CEP128: variants seen among roughly 807,000 people sequenced by gnomAD.
The protein encoded by CEP128 is centrosomal protein 128.
CEP128 carries 132 observed loss-of-function variants against 156.7 expected under a neutral mutation model. The ratio of observed to expected loss-of-function variants is 0.84; its 90% CI spans 0.73 to 0.97. CEP128 has a LOEUF of 0.97. Among genes scored for constraint, CEP128 ranks in the 50% least tolerant of loss-of-function variants. The pLI is 0.00. For synonymous variants in CEP128, 469 were observed against 448.9 expected (o/e 1.04, Z -0.57); for missense variants, 1,252 against 1,281.9 (o/e 0.98, Z 0.36).
At chr14:80,549,730 G>A (rs1890134359) in intron 21 of CEP128, among the ~76,000 whole-genome samples, 1 of 152,176 alleles carries the variant, frequency 6.6e-6, no homozygotes, top group African/African-American at 2.4e-5. Flanking sequence ...ATATTCTTAA[G>A]TGCCCTAGAG....
At chr14:80,825,750 T>G (rs950577647) in intron 13 of CEP128, among the ~76,000 whole-genome samples, 2 of 152,156 alleles carry the variant, frequency 1.3e-5, no homozygotes, top group African/African-American at 4.8e-5. Flanking sequence ...AGATGAAAGA[T>G]CTGAGAATTA....
chr14:80,680,698 T>G (rs913509583), intron 19 of CEP128, among the ~76,000 whole-genome samples: 1 of 152,118 alleles, frequency 6.6e-6, no homozygotes, highest in African/African-American at 2.4e-5. Context: ...AGATTAGAAG[T>G]GTAGGCCACC....
chr14:80,594,417 G>A (rs1892224618), intron 19 of CEP128, among the ~76,000 whole-genome samples: 1 of 152,276 alleles, frequency 6.6e-6, no homozygotes, highest in East Asian at 1.9e-4. Flanking sequence ...CATGGGCAAA[G>A]ACTTCATGAC....
intron 14 of CEP128, among the ~76,000 whole-genome samples, chr14:80,789,406 C>T (rs1464660836): frequency 1.3e-5 from 2 of 152,084 alleles, no homozygotes; most frequent in South Asian, 2.1e-4. Flanking sequence ...AGAAATTAGA[C>T]GCTGAAGTAG....
chr14:80,880,905 A>T lies in CEP128; in HGVS notation c.645+14813T>A, dbSNP rs185307235. 9.3e-3 allele frequency among the ~76,000 whole-genome samples: 942 copies of T among 101,680 alleles called. 8 individuals are homozygous for T. Among genetic ancestry groups the T allele is most frequent in the East Asian group, 0.014 (57 of 4,216 alleles). 66.7% of individuals were successfully genotyped at this position (101,680 alleles called of 152,430 possible). ...TAATAATAATAATAATAATAATAAT[A>T]ATAATTTCAGTAAAGGATACAAAAT... On this transcript the variant is annotated intron_variant, in intron 8 of 24. Coordinates refer to ENST00000555265, the MANE Select transcript of CEP128 (RefSeq NM_152446.5).
chr14:80,588,968 T>C (rs891083067), intron 19 of CEP128, among the ~76,000 whole-genome samples: 4 of 151,950 alleles, frequency 2.6e-5, no homozygotes, highest in Non-Finnish European at 4.4e-5. Context: ...AGGAAGAAAA[T>C]GGGATAAGAA....
chr14:80,947,634 T>C (rs970319889), intron 2 of CEP128, among the ~76,000 whole-genome samples: 1 of 152,044 alleles, frequency 6.6e-6, no homozygotes, highest in South Asian at 2.1e-4. Context: ...AGAGGAGTCA[T>C]GCTATAAACA....
chr14:80,509,192 T>C (rs954886289), intron 23 of CEP128, among the ~76,000 whole-genome samples: 1 of 152,156 alleles, frequency 6.6e-6, no homozygotes, highest in Non-Finnish European at 1.5e-5. Flanking sequence ...CATATGGTAG[T>C]TCTATTTTTA....
chr14:80,585,300 G>A (rs1891774104), intron 19 of CEP128, among the ~76,000 whole-genome samples: 1 of 152,208 alleles, frequency 6.6e-6, no homozygotes, highest in Non-Finnish European at 1.5e-5. Flanking sequence ...CTCTTCCTCT[G>A]CAGTCTTTGC....
intron 19 of CEP128, among the ~76,000 whole-genome samples, chr14:80,717,983 T>G (rs1215404640): frequency 1.3e-5 from 2 of 151,060 alleles, no homozygotes; most frequent in Non-Finnish European, 3.0e-5. Context: ...CTCAGCTAAC[T>G]TGTGTGTGTG....
chr14:80,794,425 C>T (rs970229569), intron 13 of CEP128, among the ~76,000 whole-genome samples: 2 of 152,124 alleles, frequency 1.3e-5, no homozygotes, highest in Non-Finnish European at 2.9e-5. Flanking sequence ...ATGTCTCATC[C>T]ACCCAAATGG....
intron 21 of CEP128, among the ~76,000 whole-genome samples, chr14:80,531,984 C>T (rs1279139585): frequency 1.3e-5 from 2 of 152,126 alleles, no homozygotes; most frequent in Admixed American, 6.5e-5. Context: ...AAGATGAGAG[C>T]TGCCCACCAT....
At position 80,869,785 on chromosome 14, in the gene CEP128, A is replaced by T. The variant is rs1887938249; in HGVS notation, c.646-6912T>A. ...CACCCAGGTATTAAGCCTAGTACCC[A>T]GGAGTTATTTTTTTCTGCTTAAAGT... is the stretch of plus-strand genomic sequence containing the variant. On this transcript the variant is annotated intron_variant, in intron 8 of 24. Transcript: ENST00000555265. Among the ~76,000 whole-genome samples the T allele has an allele frequency of 2.6e-5, 4 of 152,046 alleles. No homozygotes were observed. The South Asian group carries it at 8.3e-4, about 31-fold the overall frequency.
At chr14:80,816,474 G>T (rs1019297024) in intron 13 of CEP128, among the ~76,000 whole-genome samples, 1 of 152,164 alleles carries the variant, frequency 6.6e-6, no homozygotes. Context: ...CACTCAAACA[G>T]TGAATGTTCT....
In CEP128 at chr14:80,916,540, T is replaced by A. The variant is rs1884574051; in HGVS notation, c.8A>T (p.Glu3Val). Residue 3 changes from glutamate to valine, a missense_variant, in exon 3 of 25, where the codon GAA becomes GTA. Coordinates refer to ENST00000555265, the MANE Select transcript of CEP128 (RefSeq NM_152446.5). MA[E>V]SSSESDHFRC... ...GAAGTGATCTGATTCGCTGGATGAT[T>A]CTGCCATTGATGTACACAAATCCTT... 1 of 1,613,528 alleles carries A rather than the reference T, an allele frequency of 6.2e-7. No homozygotes were observed. The highest frequency in any genetic ancestry group is 8.5e-7 in the Non-Finnish European group (1 of 1,179,790).
intron 13 of CEP128, 40 bp downstream of exon 13, chr14:80,831,097 ATAAAAT>A: frequency 1.3e-6 from 2 of 1,490,660 alleles, no homozygotes; most frequent in Non-Finnish European, 1.9e-6. Context: ...ATTCCATGAG[ATAAAAT>A]TAAAATATTT....
chr14:80,821,509 T>C (rs1015267496), intron 13 of CEP128, among the ~76,000 whole-genome samples: 2 of 152,134 alleles, frequency 1.3e-5, no homozygotes, highest in African/African-American at 4.8e-5. Context: ...CAAATTGCTT[T>C]AAATTTTCAA....
intron 21 of CEP128, among the ~76,000 whole-genome samples, chr14:80,555,120 C>T (rs977143983): frequency 2.0e-5 from 3 of 152,032 alleles, no homozygotes; most frequent in Admixed American, 1.3e-4. Context: ...AGAATGACTC[C>T]TCTTACTCTC....
chr14:80,782,349 C>A (rs1008097050), intron 15 of CEP128, among the ~76,000 whole-genome samples: 5 of 152,182 alleles, frequency 3.3e-5, no homozygotes, highest in Non-Finnish European at 5.9e-5. Flanking sequence ...TCTTATATTG[C>A]ACTTCCTGAC....
Sources: allele counts gnomAD v4.1 joint callset (sites outside exome capture counted in the v4.1 genomes callset), GRCh38; gene constraint gnomAD v4.1.1; transcripts MANE v1.5; gene names NCBI Gene and HGNC (gene_info 2026-07-23, HGNC 2026-07-21).